The following AATK variants were observed in gnomAD, a reference collection of about 807,000 sequenced individuals.
The protein encoded by AATK is serine/threonine-protein kinase LMTK1.
Under a neutral mutation model 114.3 loss-of-function variants are expected in AATK, and 91 were observed. The observed-to-expected ratio is 0.80, with a 90% CI of 0.67 to 0.95. AATK has a LOEUF of 0.95. AATK is among the 40% of genes least tolerant of loss of function. The probability of loss-of-function intolerance (pLI) is 0.00; values close to 1 mark genes in which losing one functional copy is unlikely to be tolerated. For missense variants in AATK, 2,176 were observed against 1,965.2 expected, an observed-to-expected ratio of 1.11 and a Z score of -2.03; for synonymous variants, 1,075 against 916.5, an observed-to-expected ratio of 1.17 and a Z score of -3.12.
chr17:81,139,523 G>A lies in AATK; in HGVS notation c.56-5022C>T, dbSNP rs568117230. ...CCCTCTGCTACCACACAAGCTGCAT[G>A]GTGTCCCCCAGGCTCTTCCAAGCCC... On this transcript the variant is annotated intron_variant, in intron 1 of 13. Transcript: ENST00000326724. Among the ~76,000 whole-genome samples the A allele has an allele frequency of 8.2e-4, 125 of 152,374 alleles. 3 individuals are homozygous for A. Among genetic ancestry groups the A allele is most frequent in the African/African-American group, 3.0e-3 (123 of 41,586 alleles).
chr17:81,166,070 A>C lies in AATK; in HGVS notation c.-78T>G. 2.9e-6 allele frequency: 3 copies of C among 1,044,342 alleles called. No homozygotes were observed. The highest frequency in any genetic ancestry group is 4.0e-5 in the South Asian group (1 of 25,018). 64.7% of individuals were successfully genotyped at this position (1,044,342 alleles called of 1,614,324 possible). A position where few individuals can be genotyped will look rare whatever the true frequency, so the allele number is the denominator to read the frequency against. The stretch of plus-strand genomic sequence containing the variant: ...CCGCGGCCCCGGCCCGAGCCGCCGC[A>C]TCACCCAGCGGCCGCCGCAGGTGCG... On this transcript the variant is annotated 5_prime_UTR_variant, in exon 1 of 14. The change abolishes an upstream ATG in the 5' untranslated region. Coordinates refer to ENST00000326724, the MANE Select transcript of AATK (RefSeq NM_001080395.3).
At chr17:81,125,092 G>A in intron 7 of AATK, 78 bp from the exon 8 acceptor site, 2 of 952,530 alleles carry the variant, frequency 2.1e-6, no homozygotes, top group Non-Finnish European at 3.2e-6. Flanking sequence ...GGGAGGGTCA[G>A]TGGGGTGTGC....
rs1377322401 is a variant in AATK at position 81,120,437 on chromosome 17, C to T, written c.3499G>A (p.Asp1167Asn). The stretch of plus-strand genomic sequence containing the variant: ...AGCTCCTCGTCAGACTCGTCGCTGT[C>T]CTCACTGTCCTCCTCCTCCTCCTCC... ...RPEEEEEDSEDSDESDEELRC... is the reference protein window; with the variant it reads ...RPEEEEEDSENSDESDEELRC... Residue 1167 changes from aspartate to asparagine, a missense_variant, in exon 11 of 14, where the codon GAC becomes AAC. Asp to Asn is a conservative substitution (Grantham distance 23). Transcript: ENST00000326724. The T allele has an allele frequency of 1.9e-6, 3 of 1,572,102 alleles. No homozygotes were observed. The highest frequency in any genetic ancestry group is 2.6e-6 in the Non-Finnish European group (3 of 1,155,406).
chr17:81,127,537 C>T (rs762708114), intron 6 of AATK, 46 bp downstream of exon 6: 30 of 1,542,224 alleles, frequency 1.9e-5, no homozygotes, highest in South Asian at 4.7e-5. Flanking sequence ...CAAGGGAGGG[C>T]CCCGGCTCAG....
chr17:81,160,014 C>T (rs2061411550), intron 1 of AATK, among the ~76,000 whole-genome samples: 1 of 152,166 alleles, frequency 6.6e-6, no homozygotes. Context: ...TGAGAGGTGG[C>T]CTTGAGCAGC....
chr17:81,119,968 T>C lies in AATK; in HGVS notation c.3851A>G (p.Asp1284Gly), dbSNP rs2060677563. The C allele has an allele frequency of 1.2e-5, 18 of 1,450,066 alleles. No individual in the cohort carries two copies. Among genetic ancestry groups the C allele is most frequent in the Non-Finnish European group, 1.5e-5 (17 of 1,102,508 alleles). The allele number at this position is 1,450,066 out of a possible 1,614,324, so 89.8% of individuals were successfully genotyped here. Reference sequence around the variant, plus strand: ...CGCTGTGGAGCCATTTGGGGAGCCATCAGCCTGCTGCGGCCGGTTGGGGGC... The same window carrying C: ...CGCTGTGGAGCCATTTGGGGAGCCACCAGCCTGCTGCGGCCGGTTGGGGGC... ...PSAPNRPQQA[D>G]GSPNGSTAEE... Residue 1284 changes from aspartate (D) to glycine (G), a missense_variant, in exon 12 of 14, where the codon GAT becomes GGT. Asp to Gly is a moderately conservative substitution (Grantham distance 94, BLOSUM62 -1). Transcript: ENST00000326724.
intron 9 of AATK, 87 bp downstream of exon 9, chr17:81,124,640 C>T (rs1457249365): frequency 6.4e-7 from 1 of 1,566,742 alleles, no homozygotes; most frequent in South Asian, 1.2e-5. Context: ...AGCCCCCTGA[C>T]CTCACTACTC....
chr17:81,155,964 G>C (rs2061356350), intron 1 of AATK, among the ~76,000 whole-genome samples: 1 of 152,184 alleles, frequency 6.6e-6, no homozygotes, highest in Non-Finnish European at 1.5e-5. Flanking sequence ...TTACAGGTGT[G>C]AGCTCCCCAT....
In AATK at chr17:81,119,392, C is replaced by A. The variant is rs187459344; in HGVS notation, c.4072G>T (p.Glu1358Ter). The stretch of plus-strand genomic sequence containing the variant: ...GCCCAGGCCTCACCTCTCTTGGACT[C>A]GGCGTCCGAGTCAGACACGTGCGTG... ...SITHVSDSDA[E>*]SKRGPEAGAG... The change falls in exon 13 of 14, where the codon GAG becomes TAG. Residue 1358 changes from glutamate to a stop codon, truncating the protein, a stop_gained. Coordinates refer to ENST00000326724, the MANE Select transcript of AATK (RefSeq NM_001080395.3). LOFTEE classifies it low-confidence loss of function (END_TRUNC). 1 of 1,563,238 alleles carries A rather than the reference C, an allele frequency of 6.4e-7. No homozygotes were observed.
At chr17:81,160,326 C>T (rs2061415481) in intron 1 of AATK, 3 of 914,756 alleles carry the variant, frequency 3.3e-6, no homozygotes, top group Non-Finnish European at 3.9e-6. Context: ...CCAGCCCCAC[C>T]CAAGGCCGCA....
In AATK at chr17:81,121,759, T is replaced by A; in HGVS notation, c.2177A>T (p.Glu726Val). ...RASPEPGYPG[E>V]PLLGLQAASA... ...GGCTGCCTGGAGCCCAAGCAGAGGC[T>A]CTCCAGGGTACCCCGGCTCGGGGGA... is the stretch of plus-strand genomic sequence containing the variant. Residue 726 changes from glutamate to valine, a missense_variant, in exon 11 of 14, where the codon GAG becomes GTG. Physicochemically the swap from Glu to Val is moderately radical, Grantham distance 121. Coordinates refer to ENST00000326724, the MANE Select transcript of AATK (RefSeq NM_001080395.3). 1 of 1,519,220 alleles carries A rather than the reference T, an allele frequency of 6.6e-7. No homozygotes were observed. The highest frequency in any genetic ancestry group is 8.8e-7 in the Non-Finnish European group (1 of 1,137,424). The allele number at this position is 1,519,220 out of a possible 1,614,324, so 94.1% of individuals were successfully genotyped here. A position where few individuals can be genotyped will look rare whatever the true frequency, so the allele number is the denominator to read the frequency against.
At position 81,118,426 on chromosome 17, in the gene AATK, G is replaced by A. The variant is rs186291281; in HGVS notation, c.4101C>T (p.Ala1367=). The part of the protein sequence containing the change: ...AESKRGPEAG[A]GGESKEA ...CTCAAGCCTCTTTACTCTCACCCCC[G>A]GCACCAGCTTCAGGTCCTGGCAAGC... The change falls in exon 14 of 14, where the codon GCC becomes GCT. Residue 1367 remains alanine (A), a synonymous_variant. Coordinates refer to ENST00000326724, the MANE Select transcript of AATK (RefSeq NM_001080395.3). The A allele has an allele frequency of 1.1e-3, 1,816 of 1,608,922 alleles. 3 individuals carry two copies. Among genetic ancestry groups the A allele is most frequent in the Non-Finnish European group, 1.3e-3 (1,535 of 1,178,396 alleles).
chr17:81,145,111 T>C (rs1183405111), intron 1 of AATK, among the ~76,000 whole-genome samples: 2 of 151,962 alleles, frequency 1.3e-5, no homozygotes, highest in South Asian at 4.1e-4. Flanking sequence ...CAGGTGCCTG[T>C]AATCCCAGCT....
chr17:81,123,334 G>C lies in AATK; in HGVS notation c.972C>G (p.Gly324=). The change falls in exon 10 of 14, where the codon GGC becomes GGG. Residue 324 remains glycine, a synonymous_variant. Transcript: ENST00000326724. ...GCTCAAAGAGCTCCCAGATGGTCAC[G>C]CCCAGGGACCTGTGGGGCGACAGCC... ...QTKSGNVWSL[G]VTIWELFELG... The C allele has an allele frequency of 7.3e-7, 1 of 1,375,744 alleles. No homozygotes were observed. The highest frequency in any genetic ancestry group is 9.4e-7 in the Non-Finnish European group (1 of 1,063,660). 85.2% of individuals were successfully genotyped at this position (1,375,744 alleles called of 1,614,324 possible).
rs2060828330 is a variant in AATK, at chr17:81,126,545, A to G, written c.637T>C (p.Tyr213His). Residue 213 changes from tyrosine (Y) to histidine (H), a missense_variant, in exon 7 of 14, where the codon TAC becomes CAC. Tyr to His is a moderately conservative substitution (Grantham distance 83). Coordinates refer to ENST00000326724, the MANE Select transcript of AATK (RefSeq NM_001080395.3). The surrounding 1 kb of genome is among the most constrained non-coding windows in gnomAD (Gnocchi z 5.1). Reference sequence around the variant, plus strand: ...TCCGCCACCCGGCAGCTCCGCAGGTAGCCCTTGAGGTCCCCCTGCAGAAAG... The same window carrying G: ...TCCGCCACCCGGCAGCTCCGCAGGTGGCCCTTGAGGTCCCCCTGCAGAAAG... ...EFCPLGDLKG[Y>H]LRSCRVAESM... 6.5e-7 allele frequency: 1 copy of G among 1,546,078 alleles called. No homozygotes were observed. Among genetic ancestry groups the G allele is most frequent in the African/African-American group, 1.4e-5 (1 of 73,010 alleles).
chr17:81,134,499 CG>C lies in AATK; in HGVS notation c.57del (p.Asp19GlufsTer110), dbSNP rs1452820870. The C allele has an allele frequency of 2.5e-6, 4 of 1,611,242 alleles. No individual in the cohort carries two copies. The African/African-American group carries it at 5.3e-5, about 22-fold the overall frequency. ...CAGGACAGCTCGCTGAGCGGGGCGC[CG>C]TCTGCGGGAGAGCAGTGTGGTGAGA... ...SFAFSSHFDPDGAPLSELSWP... is the reference protein window; with the variant it reads ...SFAFSSHFDPXGAPLSELSWP... On this transcript the variant is annotated frameshift_variant and splice_region_variant, in exon 2 of 14. Coordinates refer to ENST00000326724, the MANE Select transcript of AATK (RefSeq NM_001080395.3). LOFTEE classifies it high-confidence loss of function.
intron 1 of AATK, among the ~76,000 whole-genome samples, chr17:81,147,502 T>C (rs1162633422): frequency 6.6e-6 from 1 of 152,190 alleles, no homozygotes; most frequent in Admixed American, 6.5e-5. Flanking sequence ...GTGGCTAACA[T>C]CTGTAATCCC....
intron 1 of AATK, among the ~76,000 whole-genome samples, chr17:81,138,551 CA>C: frequency 6.6e-6 from 1 of 151,310 alleles, no homozygotes; most frequent in African/African-American, 2.4e-5. Flanking sequence ...CGCGTGCACA[CA>C]CGTGCACACA....
At position 81,126,145 on chromosome 17, in the gene AATK, G is replaced by A. The variant is rs1301013271; in HGVS notation, c.755+282C>T. Among the ~76,000 whole-genome samples, 4 of 152,210 alleles carry A rather than the reference G, an allele frequency of 2.6e-5. No individual in the cohort carries two copies. Among genetic ancestry groups the A allele is most frequent in the East Asian group, 1.9e-4 (1 of 5,190 alleles). ...GCTTAGCAGAGTGTGGGGTTGGCGC[G>A]GGGCTGCAGGGTGCTGGCTGACTGC... On this transcript the variant is annotated intron_variant, in intron 7 of 13. Transcript: ENST00000326724. The surrounding 1 kb of genome is among the most constrained non-coding windows in gnomAD (Gnocchi z 5.1).
Sources: gnomAD v4.1 joint callset for allele counts (sites outside exome capture counted in the v4.1 genomes callset) on GRCh38, gnomAD v4.1.1 for gene constraint, Gnocchi (gnomAD v3.1) non-coding constraint, MANE v1.5 for transcripts, NCBI Gene and HGNC (gene_info 2026-07-23, HGNC 2026-07-21) for gene names.